NALF1: variants seen among roughly 807,000 people sequenced by gnomAD.
NALF1 encodes NALCN channel auxiliary factor 1.
Under a neutral mutation model 48.4 loss-of-function variants are expected in NALF1, and 3 were observed. That is an observed-to-expected ratio of 0.06 (90% CI 0.03 to 0.16). The LOEUF (loss-of-function observed/expected upper bound fraction) is 0.16. Ranked by LOEUF, NALF1 falls within the 10% of genes least tolerant of loss-of-function variation. NALF1 has a pLI of 1.00. For missense variants in NALF1, 526 were observed against 571.5 expected (o/e 0.92, Z 0.81); for synonymous variants, 262 against 245.7 (o/e 1.07, Z -0.62).
intron 1 of NALF1, among the ~76,000 whole-genome samples, chr13:107,342,690 A>G (rs573844250): frequency 1.3e-5 from 2 of 152,342 alleles, no homozygotes; most frequent in East Asian, 3.9e-4. Context: ...AAAATCAATT[A>G]TAACCATAAA....
chr13:107,328,501 C>T (rs944054321), intron 1 of NALF1, among the ~76,000 whole-genome samples: 2 of 152,124 alleles, frequency 1.3e-5, no homozygotes, highest in Non-Finnish European at 2.9e-5. Flanking sequence ...GAGAAGTCCT[C>T]CCATAAAGCA....
chr13:107,626,802 T>C (rs1401373665), intron 1 of NALF1, among the ~76,000 whole-genome samples: 4 of 152,060 alleles, frequency 2.6e-5, no homozygotes, highest in Non-Finnish European at 5.9e-5. Flanking sequence ...GGAGGAGACA[T>C]GAAGGGCCAA....
At chr13:107,262,165 A>G (rs1351939326) in intron 1 of NALF1, among the ~76,000 whole-genome samples, 1 of 152,214 alleles carries the variant, frequency 6.6e-6, no homozygotes, top group Non-Finnish European at 1.5e-5. Context: ...CTGTAATCCT[A>G]GCATTTTGGG....
chr13:107,522,739 G>A (rs1404251410), intron 1 of NALF1, among the ~76,000 whole-genome samples: 1 of 151,884 alleles, frequency 6.6e-6, no homozygotes, highest in African/African-American at 2.4e-5. Flanking sequence ...GAGTAGCTGA[G>A]ATTACAGGTA....
intron 1 of NALF1, among the ~76,000 whole-genome samples, chr13:107,339,027 G>A (rs568382280): frequency 4.6e-5 from 7 of 151,706 alleles, no homozygotes; most frequent in Admixed American, 2.6e-4. Flanking sequence ...CCAGGTACTC[G>A]GGAGGCTGAG....
At chr13:107,814,376 G>C (rs1879101441) in intron 1 of NALF1, among the ~76,000 whole-genome samples, 1 of 152,212 alleles carries the variant, frequency 6.6e-6, no homozygotes, top group Non-Finnish European at 1.5e-5. Context: ...TCCTGGAAGA[G>C]AAGGAGTACT....
chr13:107,381,026 T>C (rs1883429082), intron 1 of NALF1, among the ~76,000 whole-genome samples: 1 of 149,942 alleles, frequency 6.7e-6, no homozygotes, highest in Non-Finnish European at 1.5e-5. Flanking sequence ...AACTGGTTTA[T>C]TTTCATTTCA....
chr13:107,216,881 G>C (rs1879884215), intron 1 of NALF1, among the ~76,000 whole-genome samples: 3 of 152,174 alleles, frequency 2.0e-5, no homozygotes, highest in Admixed American at 6.5e-5. Context: ...TGATTGTACA[G>C]AAGGTGAAAA....
intron 1 of NALF1, among the ~76,000 whole-genome samples, chr13:107,571,128 C>T (rs1877975008): frequency 6.6e-6 from 1 of 152,146 alleles, no homozygotes; most frequent in Non-Finnish European, 1.5e-5. Flanking sequence ...GTTTCTGCCC[C>T]CAGTTCCTGA....
At chr13:107,384,783 A>C (rs1206025161) in intron 1 of NALF1, among the ~76,000 whole-genome samples, 1 of 152,214 alleles carries the variant, frequency 6.6e-6, no homozygotes, top group Non-Finnish European at 1.5e-5. Flanking sequence ...ATCTGTCTTT[A>C]TCCATCTGAT....
At chr13:107,430,610 AC>A (rs1236703169) in intron 1 of NALF1, among the ~76,000 whole-genome samples, 5 of 152,076 alleles carry the variant, frequency 3.3e-5, no homozygotes, top group African/African-American at 1.2e-4. Context: ...TCATCCATGT[AC>A]CTACAAAGGA....
chr13:107,746,522 A>G (rs896283245), intron 1 of NALF1, among the ~76,000 whole-genome samples: 2 of 152,188 alleles, frequency 1.3e-5, no homozygotes, highest in African/African-American at 4.8e-5. Flanking sequence ...TTTGAGATCA[A>G]TTGTCCTTTA....
chr13:107,423,569 C>A (rs939149200), intron 1 of NALF1, among the ~76,000 whole-genome samples: 1 of 152,042 alleles, frequency 6.6e-6, no homozygotes, highest in African/African-American at 2.4e-5. Context: ...AAAAAAAACT[C>A]GGGTTTCTGA....
In NALF1 at chr13:107,166,445, G is replaced by T. The variant is rs894814132; in HGVS notation, c.*4052C>A. On this transcript the variant is annotated 3_prime_UTR_variant, in exon 3 of 3. Transcript: ENST00000375915. Reference sequence around the variant, plus strand: ...AAAAAACAAACAAACACACAGAAAAGAAATTAAATACCTGACTGCAGTTCT... The same window carrying T: ...AAAAAACAAACAAACACACAGAAAATAAATTAAATACCTGACTGCAGTTCT... The T allele has an allele frequency of 6.6e-6, 1 of 152,116 alleles. No individual in the cohort carries two copies. The highest frequency in any genetic ancestry group is 1.5e-5 in the Non-Finnish European group (1 of 68,012). The allele number at this position is 152,116 out of a possible 1,614,324, so 9.4% of individuals were successfully genotyped here.
chr13:107,250,284 T>C (rs1394822272), intron 1 of NALF1, among the ~76,000 whole-genome samples: 2 of 152,166 alleles, frequency 1.3e-5, no homozygotes, highest in Non-Finnish European at 2.9e-5. Context: ...ATAGGAAAAA[T>C]ATTTCTACAT....
At chr13:107,326,443 T>C (rs543988005) in intron 1 of NALF1, among the ~76,000 whole-genome samples, 3 of 152,260 alleles carry the variant, frequency 2.0e-5, no homozygotes, top group African/African-American at 7.2e-5. Flanking sequence ...CAAGACATTG[T>C]AATAAGTGAA....
intron 1 of NALF1, among the ~76,000 whole-genome samples, chr13:107,414,092 C>T (rs1247343068): frequency 1.3e-5 from 2 of 151,958 alleles, no homozygotes; most frequent in African/African-American, 4.8e-5. Flanking sequence ...CTGCACCAGG[C>T]CAATATTTTA....
chr13:107,186,525 G>A (rs1438893752), intron 2 of NALF1, among the ~76,000 whole-genome samples: 2 of 152,036 alleles, frequency 1.3e-5, no homozygotes, highest in Non-Finnish European at 2.9e-5. Flanking sequence ...GTGCCACCAC[G>A]CCCAGCTAAT....
intron 1 of NALF1, among the ~76,000 whole-genome samples, chr13:107,338,642 A>G (rs1882606267): frequency 6.6e-6 from 1 of 152,210 alleles, no homozygotes; most frequent in Non-Finnish European, 1.5e-5. Flanking sequence ...AAGATTAGAC[A>G]CATTAATATT....
Sources: allele counts gnomAD v4.1 joint callset (sites outside exome capture counted in the v4.1 genomes callset), GRCh38; gene constraint gnomAD v4.1.1; transcripts MANE v1.5; gene names NCBI Gene and HGNC (gene_info 2026-07-23, HGNC 2026-07-21).